CDHR3: variants seen among roughly 807,000 people sequenced by gnomAD.
CDHR3 encodes the protein cadherin-related family member 3.
Under a neutral mutation model 86.6 loss-of-function variants are expected in CDHR3, and 79 were observed. The ratio of observed to expected loss-of-function variants is 0.91; its 90% confidence interval spans 0.76 to 1.10. The LOEUF (loss-of-function observed/expected upper bound fraction) is 1.10, where lower values mean the gene tolerates loss of function less well. CDHR3 is among the 50% of genes least tolerant of loss of function. The probability of loss-of-function intolerance (pLI) is 0.00; values close to 1 mark genes in which losing one functional copy is unlikely to be tolerated. For synonymous variants in CDHR3, 421 were observed against 402.4 expected, an observed-to-expected ratio of 1.05 and a Z score of -0.55; for missense variants, 1,081 against 1,077.6, an observed-to-expected ratio of 1.00 and a Z score of -0.04.
chr7:105,971,697 C>A (rs1828001582), intron 1 of CDHR3, among the ~76,000 whole-genome samples: 1 of 152,112 alleles, frequency 6.6e-6, no homozygotes, highest in Non-Finnish European at 1.5e-5. Context: ...TCTCTACAGT[C>A]CCCAGCTCCC....
chr7:105,999,517 C>T (rs1254464329), intron 6 of CDHR3, among the ~76,000 whole-genome samples: 2 of 152,134 alleles, frequency 1.3e-5, no homozygotes, highest in African/African-American at 4.8e-5. Context: ...AGCTTCTATC[C>T]CCTAAACATC....
chr7:106,001,054 G>T (rs1833091489), intron 6 of CDHR3, among the ~76,000 whole-genome samples: 1 of 152,208 alleles, frequency 6.6e-6, no homozygotes, highest in South Asian at 2.1e-4. Context: ...ACCCTGGCAT[G>T]TAACTCTGGA....
intron 4 of CDHR3, among the ~76,000 whole-genome samples, chr7:105,987,102 C>G (rs1830633612): frequency 6.6e-6 from 1 of 152,098 alleles, no homozygotes. Context: ...GTCATGGCCC[C>G]TTTAAAAACA....
chr7:106,028,341 T>G, intron 16 of CDHR3: 1 of 605,746 alleles, frequency 1.7e-6, no homozygotes, highest in Non-Finnish European at 3.0e-6. Flanking sequence ...TCGTATGTTA[T>G]TGTGTGTGTG....
intron 7 of CDHR3, among the ~76,000 whole-genome samples, chr7:106,003,989 C>CAAAA: frequency 0.028 from 2,188 of 77,650 alleles, no homozygotes; most frequent in East Asian, 0.042. Context: ...CCAACCTAAC[C>CAAAA]AAAAAAAAAA....
chr7:106,030,867 G>A lies in CDHR3; in HGVS notation c.2353+27G>A. 6.3e-7 allele frequency: 1 copy of A among 1,595,058 alleles called. No individual in the cohort carries two copies. Among genetic ancestry groups the A allele is most frequent in the South Asian group, 1.1e-5 (1 of 88,586 alleles). ...TAATTAAGTGGCAATACCACTGTAA[G>A]AATGCTTTTTATATTCCAGACTGGT... On this transcript the variant is annotated intron_variant, in intron 18 of 18. Coordinates refer to ENST00000317716, the MANE Select transcript of CDHR3 (RefSeq NM_152750.5). This position sits in a 1 kb window ranked among gnomAD's most constrained non-coding sequence, Gnocchi z 4.8.
Position 105,975,181 on chromosome 7 carries a change from G to T in CDHR3, c.249+135G>T, listed in dbSNP as rs6943409. ...CCCTCTTGTAAGGTCCAGGAGTCCT[G>T]TCTGAGGCATCCCAGGGCCTTCTGT... On this transcript the variant is annotated intron_variant, in intron 2 of 18. Coordinates refer to ENST00000317716, the MANE Select transcript of CDHR3 (RefSeq NM_152750.5). 22,914 of 774,596 alleles carry T rather than the reference G, an allele frequency of 0.03. 3,529 individuals carry two copies. The African/African-American group carries it at 0.34, about 11-fold the overall frequency. 48.0% of individuals were successfully genotyped at this position (774,596 alleles called of 1,614,324 possible). A position where few individuals can be genotyped will look rare whatever the true frequency, so the allele number is the denominator to read the frequency against.
At chr7:106,015,004 C>A in intron 9 of CDHR3, 107 bp from the exon 10 acceptor site, 1 of 825,960 alleles carries the variant, frequency 1.2e-6, no homozygotes, top group Non-Finnish European at 1.9e-6. Flanking sequence ...TTGCCAAAAG[C>A]GTTTTGCCAA....
At chr7:105,973,889 C>T (rs1217433625) in intron 1 of CDHR3, among the ~76,000 whole-genome samples, 1 of 152,110 alleles carries the variant, frequency 6.6e-6, no homozygotes, top group East Asian at 1.9e-4. Flanking sequence ...ATCGCTTGAA[C>T]CCAGGAGGCA....
At position 105,974,892 on chromosome 7, in the gene CDHR3, C is replaced by T; in HGVS notation, c.95C>T (p.Ala32Val). 1 of 1,613,798 alleles carries T rather than the reference C, an allele frequency of 6.2e-7. No homozygotes were observed. Among genetic ancestry groups the T allele is most frequent in the Non-Finnish European group, 8.5e-7 (1 of 1,179,746 alleles). ...LILLPATGNV[A>V]ENSPPGTSVH... ...CTCTTACCTGCTACAGGCAATGTGG[C>T]AGAGAATTCTCCACCTGGGACTTCA... The change falls in exon 2 of 19, where the codon GCA becomes GTA. Residue 32 changes from alanine to valine, a missense_variant. Transcript: ENST00000317716.
chr7:106,002,511 T>C (rs530128403), intron 7 of CDHR3, among the ~76,000 whole-genome samples: 2 of 152,342 alleles, frequency 1.3e-5, no homozygotes, highest in African/African-American at 4.8e-5. Flanking sequence ...ACCTCTGGAA[T>C]GAAGCTCTTA....
At chr7:106,020,744 T>G (rs1836441975) in intron 13 of CDHR3, among the ~76,000 whole-genome samples, 200 bp downstream of exon 13, 1 of 152,144 alleles carries the variant, frequency 6.6e-6, no homozygotes, top group South Asian at 2.1e-4. Flanking sequence ...CTGCTCAGCC[T>G]CCCAAGTAGC....
intron 14 of CDHR3, 58 bp downstream of exon 14, chr7:106,022,506 G>T: frequency 1.9e-6 from 3 of 1,579,292 alleles, no homozygotes; most frequent in Non-Finnish European, 2.6e-6. Context: ...TATGTTGATG[G>T]ACTTCTTTCC....
chr7:106,022,050 C>T, intron 13 of CDHR3, 148 bp from the exon 14 acceptor site: 2 of 975,236 alleles, frequency 2.1e-6, no homozygotes, highest in Non-Finnish European at 3.0e-6. Flanking sequence ...TAGCATATAA[C>T]TAATCCAGCT....
At chr7:105,998,148 T>C (rs1455157279) in intron 6 of CDHR3, among the ~76,000 whole-genome samples, 1 of 152,208 alleles carries the variant, frequency 6.6e-6, no homozygotes, top group Non-Finnish European at 1.5e-5. Flanking sequence ...ACGTGCTGAC[T>C]TGGAGGGCTT....
intron 5 of CDHR3, among the ~76,000 whole-genome samples, chr7:105,995,160 G>T (rs1043474497): frequency 6.6e-6 from 1 of 152,174 alleles, no homozygotes; most frequent in Non-Finnish European, 1.5e-5. Flanking sequence ...CATAAGGTCA[G>T]GTTTTCACTG....
Position 106,012,996 on chromosome 7 carries a change from T to C in CDHR3, c.1189T>C (p.Phe397Leu). ...ATCTGGAGTGGGGAGCGGCAGCAGA[T>C]TTTTACAGGATCCAGCTGGCTCTGG... ...MPSGVGSGSRFLQDPAGSGKI... is the reference protein window; with the variant it reads ...MPSGVGSGSRLLQDPAGSGKI... The change falls in exon 9 of 19, where the codon TTT becomes CTT. Residue 397 changes from phenylalanine (F) to leucine (L), a missense_variant. Transcript: ENST00000317716. The C allele has an allele frequency of 1.2e-6, 2 of 1,611,740 alleles. No individual in the cohort carries two copies. Among genetic ancestry groups the C allele is most frequent in the South Asian group, 1.1e-5 (1 of 90,648 alleles).
At chr7:106,002,187 CT>C (rs1833297863) in intron 7 of CDHR3, among the ~76,000 whole-genome samples, 1 of 152,128 alleles carries the variant, frequency 6.6e-6, no homozygotes, top group East Asian at 1.9e-4. Flanking sequence ...GATTTATTTT[CT>C]TACCCATTGT....
In CDHR3 at chr7:106,020,533, C is replaced by G; in HGVS notation, c.1814C>G (p.Ser605Cys). Residue 605 changes from serine to cysteine, a missense_variant, in exon 13 of 19, where the codon TCC becomes TGC. By Grantham distance (112) the Ser-to-Cys change is moderately radical. Transcript: ENST00000317716. ...TCCAGCCCCAGATCTTTCCGTTATT[C>G]CATTGGCCCAGGTATAGTACTTGGT... is the stretch of plus-strand genomic sequence containing the variant. ...LDSSPRSFRYSIGPGNVNNHF... is the reference protein window; with the variant it reads ...LDSSPRSFRYCIGPGNVNNHF... The G allele has an allele frequency of 6.2e-7, 1 of 1,613,438 alleles. No homozygotes were observed. The highest frequency in any genetic ancestry group is 1.1e-5 in the South Asian group (1 of 90,976).
Sources: allele counts gnomAD v4.1 joint callset (sites outside exome capture counted in the v4.1 genomes callset), GRCh38; gene constraint gnomAD v4.1.1; non-coding constraint Gnocchi (gnomAD v3.1); transcripts MANE v1.5; gene names NCBI Gene and HGNC (gene_info 2026-07-23, HGNC 2026-07-21).